Variants in CDH24 observed in about 807,000 individuals in gnomAD.
The protein encoded by CDH24 is cadherin-24.
A neutral mutation model predicts 71.2 loss-of-function variants in CDH24; 61 were observed. The observed-to-expected ratio is 0.86, with a 90% CI of 0.70 to 1.06. The LOEUF (loss-of-function observed/expected upper bound fraction) is 1.06, where lower values mean the gene tolerates loss of function less well. CDH24 is among the 50% of genes least tolerant of loss of function. The pLI is 0.00. For synonymous variants in CDH24, 440 were observed against 470.2 expected (o/e 0.94, Z 0.83); for missense variants, 961 against 1,083.7 (o/e 0.89, Z 1.59).
chr14:23,053,947 A>G (rs1446362762), intron 6 of CDH24, among the ~76,000 whole-genome samples, 194 bp downstream of exon 6: 1 of 152,144 alleles, frequency 6.6e-6, no homozygotes, highest in African/African-American at 2.4e-5. Flanking sequence ...GTCTGCCCCT[A>G]GCTCCCTCAT....
Position 23,055,587 on chromosome 14 carries a change from G to A in CDH24, c.147C>T (p.Asn49=). ...LLRTRRSWVW[N]QFFVIEEYAG... ...CATATTCCTCAATGACAAAGAACTG[G>A]TTCCAGACCCAGCTCCTTCGAGTCC... Residue 49 remains asparagine, a synonymous_variant, in exon 2 of 13, where the codon AAC becomes AAT. Coordinates refer to ENST00000487137, the MANE Select transcript of CDH24 (RefSeq NM_144985.4). The surrounding 1 kb of genome is among the most constrained non-coding windows in gnomAD (Gnocchi z 4.1). 6.2e-7 allele frequency: 1 copy of A among 1,614,030 alleles called. No individual in the cohort carries two copies.
At chr14:23,052,302 A>G (rs1566723033) in intron 8 of CDH24, 171 bp downstream of exon 8, 8 of 815,352 alleles carry the variant, frequency 9.8e-6, no homozygotes, top group East Asian at 5.3e-5. Context: ...GCTAGGACCC[A>G]GATCCAGGCT....
In CDH24 at chr14:23,054,232, A is replaced by G. The variant is rs774027427; in HGVS notation, c.881T>C (p.Met294Thr). The change falls in exon 6 of 13, where the codon ATG becomes ACG. Residue 294 changes from methionine to threonine, a missense_variant. Met to Thr is a moderately conservative substitution (Grantham distance 81). Coordinates refer to ENST00000487137, the MANE Select transcript of CDH24 (RefSeq NM_144985.4). This position sits in a 1 kb window ranked among gnomAD's most constrained non-coding sequence, Gnocchi z 5.2. ...QDPDLGDNALMAYSILDGEGS... is the reference protein window; with the variant it reads ...QDPDLGDNALTAYSILDGEGS... Reference sequence around the variant, plus strand: ...CTCCCCATCCAGGATGCTGTATGCCATCAGGGCGTTGTCCCCCAGGTCTGG... The same window carrying G: ...CTCCCCATCCAGGATGCTGTATGCCGTCAGGGCGTTGTCCCCCAGGTCTGG... 3.7e-6 allele frequency: 6 copies of G among 1,613,744 alleles called. No homozygotes were observed. In the Admixed American group the frequency reaches 5.0e-5, roughly 13 times the overall value.
At chr14:23,048,515 C>G in intron 11 of CDH24, 36 bp from the exon 12 acceptor site, 1 of 1,592,832 alleles carries the variant, frequency 6.3e-7, no homozygotes, top group Non-Finnish European at 8.5e-7. Context: ...CCTGAGCCAG[C>G]AGGGCCGGGA....
In CDH24 at chr14:23,048,157, G is replaced by A. The variant is rs2047056014; in HGVS notation, c.2169C>T (p.Asp723=). Residue 723 remains aspartate, a synonymous_variant, in exon 12 of 13, where the codon GAC becomes GAT. Coordinates refer to ENST00000487137, the MANE Select transcript of CDH24 (RefSeq NM_144985.4). ...ADEDPGVPPY[D]SVQVYGYEGR... is the part of the protein sequence containing the mutation. The stretch of plus-strand genomic sequence containing the variant: ...CCTCGTAGCCGTACACCTGCACCGA[G>A]TCGTACGGGGGTACGCCGGGGTCCT... 2 of 1,372,838 alleles carry A rather than the reference G, an allele frequency of 1.5e-6. No homozygotes were observed. The highest frequency in any genetic ancestry group is 1.9e-6 in the Non-Finnish European group (2 of 1,061,972). 85.0% of individuals were successfully genotyped at this position (1,372,838 alleles called of 1,614,324 possible). A position where few individuals can be genotyped will look rare whatever the true frequency, so the allele number is the denominator to read the frequency against.
chr14:23,054,871 G>T lies in CDH24; in HGVS notation c.497-5C>A. 1 of 1,612,836 alleles carries T rather than the reference G, an allele frequency of 6.2e-7. No homozygotes were observed. The highest frequency in any genetic ancestry group is 1.1e-5 in the South Asian group (1 of 91,038). ...TCACCTGGATCACTGATGTCCCTGTGGGGGATGCCAGCACGCCATTCAGCA... is the reference window on the plus strand; with the variant it reads ...TCACCTGGATCACTGATGTCCCTGTTGGGGATGCCAGCACGCCATTCAGCA... On this transcript the variant is annotated splice_region_variant and splice_polypyrimidine_tract_variant and intron_variant, in intron 3 of 12. Transcript: ENST00000487137. This position sits in a 1 kb window ranked among gnomAD's most constrained non-coding sequence, Gnocchi z 5.2.
rs553475352 is a variant in CDH24, at chr14:23,057,186, G to A, written c.-125+217C>T. Among the ~76,000 whole-genome samples, 1 of 152,028 alleles carries A rather than the reference G, an allele frequency of 6.6e-6. No individual in the cohort carries two copies. The highest frequency in any genetic ancestry group is 1.9e-4 in the East Asian group (1 of 5,168). Reference sequence around the variant, plus strand: ...GGAGACAGAGGGAAGGGATAAGGAAGGCAAACAGGCAGAGAAGGAAGGGTG... The same window carrying A: ...GGAGACAGAGGGAAGGGATAAGGAAAGCAAACAGGCAGAGAAGGAAGGGTG... On this transcript the variant is annotated intron_variant, in intron 1 of 12. Coordinates refer to ENST00000487137, the MANE Select transcript of CDH24 (RefSeq NM_144985.4). The surrounding 1 kb of genome is among the most constrained non-coding windows in gnomAD (Gnocchi z 5.4).
Position 23,055,605 on chromosome 14 carries a change from T to G in CDH24, c.129A>C (p.Arg43=). Residue 43 remains arginine (R), a synonymous_variant, in exon 2 of 13, where the codon CGA becomes CGC. Transcript: ENST00000487137. This position sits in a 1 kb window ranked among gnomAD's most constrained non-coding sequence, Gnocchi z 4.1. ...EHPGPALLRT[R]RSWVWNQFFV... ...AGAACTGGTTCCAGACCCAGCTCCT[T>G]CGAGTCCGCAGCAGAGCAGGCCCTG... 9.3e-6 allele frequency: 15 copies of G among 1,613,874 alleles called. No homozygotes were observed. The highest frequency in any genetic ancestry group is 1.3e-5 in the Non-Finnish European group (15 of 1,179,966).
At position 23,053,705 on chromosome 14, in the gene CDH24, C is replaced by T. The variant is rs145622932; in HGVS notation, c.1017G>A (p.Glu339=). Residue 339 remains glutamate (E), a synonymous_variant, in exon 7 of 13, where the codon GAG becomes GAA. Coordinates refer to ENST00000487137, the MANE Select transcript of CDH24 (RefSeq NM_144985.4). ...CTGGGTCAATGAGCGTGTTGGTGGC[C>T]TCGACACGGAAGGAGTAGGAGCGCT... The part of the protein sequence containing the change: ...ESQRSYSFRV[E]ATNTLIDPAY... 4 of 1,612,962 alleles carry T rather than the reference C, an allele frequency of 2.5e-6. No homozygotes were observed. The highest frequency in any genetic ancestry group is 3.4e-6 in the Non-Finnish European group (4 of 1,179,646).
At position 23,048,203 on chromosome 14, in the gene CDH24, A is replaced by G. The variant is rs1484171796; in HGVS notation, c.2123T>C (p.Leu708Pro). ...GPADVAQLLA[L>P]RLREADEDPG... ...GTCCTCGTCCGCCTCGCGGAGCCGC[A>G]GCGCCAGGAGCTGCGCCACGTCGGC... Residue 708 changes from leucine (L) to proline (P), a missense_variant, in exon 12 of 13, where the codon CTG (leucine) becomes CCG (proline). Leu to Pro is a moderately conservative substitution (Grantham distance 98, BLOSUM62 -3). Around this residue, in one of 2 missense-constraint regions of CDH24, gnomAD observed 290 missense variants for 272.8 expected, o/e 1.06. Transcript: ENST00000487137. 1 of 1,319,032 alleles carries G rather than the reference A, an allele frequency of 7.6e-7. No homozygotes were observed. The highest frequency in any genetic ancestry group is 9.7e-7 in the Non-Finnish European group (1 of 1,031,082). The allele number at this position is 1,319,032 out of a possible 1,614,324, so 81.7% of individuals were successfully genotyped here. A position where few individuals can be genotyped will look rare whatever the true frequency, so the allele number is the denominator to read the frequency against.
intron 11 of CDH24, 85 bp from the exon 12 acceptor site, chr14:23,048,564 G>T (rs2047061151): frequency 1.4e-6 from 2 of 1,385,510 alleles, no homozygotes; most frequent in Non-Finnish European, 2.0e-6. Flanking sequence ...TGACCCATCA[G>T]GTGACAGAAG....
At position 23,048,065 on chromosome 14, in the gene CDH24, C is replaced by A; in HGVS notation, c.2261G>T (p.Gly754Val). The change falls in exon 12 of 13, where the codon GGC becomes GTC. Residue 754 changes from glycine to valine, a missense_variant. Around this residue, in one of 2 missense-constraint regions of CDH24, gnomAD observed 290 missense variants for 272.8 expected, o/e 1.06. Coordinates refer to ENST00000487137, the MANE Select transcript of CDH24 (RefSeq NM_144985.4). ...CCAGTCGTCCAGCGGCTCCGCGGGG[C>A]CGGGGGCGCCGCCGGCTTCGCTGCC... ...GSGSEAGGAP[G>V]PAEPLDDWGP... 3.5e-6 allele frequency: 5 copies of A among 1,434,694 alleles called. No individual in the cohort carries two copies. The highest frequency in any genetic ancestry group is 4.6e-6 in the Non-Finnish European group (5 of 1,098,764). The allele number at this position is 1,434,694 out of a possible 1,614,324, so 88.9% of individuals were successfully genotyped here. A position where few individuals can be genotyped will look rare whatever the true frequency, so the allele number is the denominator to read the frequency against.
chr14:23,047,899 C>T lies in CDH24; in HGVS notation c.*81G>A, dbSNP rs1050925693. On this transcript the variant is annotated 3_prime_UTR_variant, in exon 12 of 13. Transcript: ENST00000487137. Reference sequence around the variant, plus strand: ...CCTGGGGCCCCTGGGCTGCTGCCGCCCGCCTGGACCCCGTGGGGCTCACTC... The same window carrying T: ...CCTGGGGCCCCTGGGCTGCTGCCGCTCGCCTGGACCCCGTGGGGCTCACTC... 6.2e-6 allele frequency: 7 copies of T among 1,126,276 alleles called. No homozygotes were observed. The highest frequency in any genetic ancestry group is 7.9e-6 in the Non-Finnish European group (7 of 886,090). 69.8% of individuals were successfully genotyped at this position (1,126,276 alleles called of 1,614,324 possible).
Position 23,049,080 on chromosome 14 carries a change from C to T in CDH24, c.1793G>A (p.Gly598Glu), listed in dbSNP as rs2047064339. 2 of 1,612,314 alleles carry T rather than the reference C, an allele frequency of 1.2e-6. No individual in the cohort carries two copies. The highest frequency in any genetic ancestry group is 2.2e-5 in the South Asian group (2 of 90,958). ...CWPEAHLSAA[G>E]LSTGALLAII... ...GGCAAGCAGGGCGCCGGTGCTGAGC[C>T]CAGCAGCTGAGAGGTGAGCCTCAGG... Residue 598 changes from glycine (G) to glutamate (E), a missense_variant, in exon 11 of 13, where the codon GGG becomes GAG. Physicochemically the swap from Gly to Glu is moderately conservative, Grantham distance 98. This residue lies in a region of CDH24 where 671 missense variants were observed against 810.9 expected (regional missense o/e 0.83). Coordinates refer to ENST00000487137, the MANE Select transcript of CDH24 (RefSeq NM_144985.4).
At position 23,049,948 on chromosome 14, in the gene CDH24, A is replaced by G. The variant is rs2047072929; in HGVS notation, c.1364-5T>C. ...GCGAGGCCTGTGCAGAACTGTCTGA[A>G]GGCAGAACACCAAAACATACACGCC... On this transcript the variant is annotated splice_region_variant and splice_polypyrimidine_tract_variant and intron_variant, in intron 8 of 12. Coordinates refer to ENST00000487137, the MANE Select transcript of CDH24 (RefSeq NM_144985.4). The G allele has an allele frequency of 6.2e-7, 1 of 1,611,260 alleles. No homozygotes were observed.
rs1456119047 is a variant in CDH24 at position 23,049,014 on chromosome 14, T to C, written c.1846+13A>G. 5 of 1,609,672 alleles carry C rather than the reference T, an allele frequency of 3.1e-6. No individual in the cohort carries two copies. The highest frequency in any genetic ancestry group is 4.2e-6 in the Non-Finnish European group (5 of 1,178,302). On this transcript the variant is annotated intron_variant, in intron 11 of 12. Transcript: ENST00000487137. ...CAGATCGCACAGCTATGTACCACTG[T>C]GGCCTGACTCACCAAGCAGGGCACC...
At chr14:23,049,344 G>A (rs1594723445) in intron 10 of CDH24, 69 bp from the exon 11 acceptor site, 4 of 1,440,566 alleles carry the variant, frequency 2.8e-6, no homozygotes, top group South Asian at 1.4e-5. Flanking sequence ...CCAGCCCATA[G>A]AGCCAGCTTC....
Position 23,047,953 on chromosome 14 carries a change from C to G in CDH24, c.*27G>C, listed in dbSNP as rs1020579892. 4.6e-6 allele frequency: 6 copies of G among 1,292,250 alleles called. No individual in the cohort carries two copies. Among genetic ancestry groups the G allele is most frequent in the African/African-American group, 3.1e-5 (2 of 63,876 alleles). The allele number at this position is 1,292,250 out of a possible 1,614,324, so 80.0% of individuals were successfully genotyped here. On this transcript the variant is annotated 3_prime_UTR_variant, in exon 12 of 13. Coordinates refer to ENST00000487137, the MANE Select transcript of CDH24 (RefSeq NM_144985.4). ...GGGCCTGTGCCCGCTGCCCCCCCCC[C>G]GCGGTGGGCCGGGCCAGCCCGGGCG...
In CDH24 at chr14:23,054,281, C is replaced by G. The variant is rs1319268870; in HGVS notation, c.832G>C (p.Val278Leu). The change falls in exon 6 of 13, where the codon GTG becomes CTG. Residue 278 changes from valine to leucine, a missense_variant. Around this residue, in one of 2 missense-constraint regions of CDH24, gnomAD observed 671 missense variants for 810.9 expected, o/e 0.83. Coordinates refer to ENST00000487137, the MANE Select transcript of CDH24 (RefSeq NM_144985.4). The surrounding 1 kb of genome is among the most constrained non-coding windows in gnomAD (Gnocchi z 5.2). ...GGGTCCTGGGCCCGGAGCCGGCCCA[C>G]CAGTGTGCCAGGTCCAGCTGTCTCC... ...VVETAGPGTL[V>L]GRLRAQDPDL... 6.2e-7 allele frequency: 1 copy of G among 1,612,340 alleles called. No individual in the cohort carries two copies. Among genetic ancestry groups the G allele is most frequent in the South Asian group, 1.1e-5 (1 of 90,912 alleles).
Sources: allele counts gnomAD v4.1 joint callset (sites outside exome capture counted in the v4.1 genomes callset), GRCh38; gene constraint gnomAD v4.1.1; regional missense constraint gnomAD v4.1.1; non-coding constraint Gnocchi (gnomAD v3.1); transcripts MANE v1.5; gene names NCBI Gene and HGNC (gene_info 2026-07-23, HGNC 2026-07-21).